Variants in OSBPL8 observed in about 807,000 individuals in gnomAD.
OSBPL8 encodes the protein oxysterol-binding protein-related protein 8.
Under a neutral mutation model 125.5 loss-of-function variants are expected in OSBPL8, and 59 were observed. That is an observed-to-expected ratio of 0.47 (90% CI 0.38 to 0.58). OSBPL8 has a LOEUF of 0.58. Ranked by LOEUF, OSBPL8 falls within the 20% of genes least tolerant of loss-of-function variation. The pLI, the probability that OSBPL8 is intolerant of heterozygous loss-of-function variation, is 0.00. For missense variants in OSBPL8, 758 were observed against 1,047.8 expected, an observed-to-expected ratio of 0.72 and a Z score of 3.82; for synonymous variants, 330 against 338.9, an observed-to-expected ratio of 0.97 and a Z score of 0.29.
At chr12:76,552,695 T>A (rs1950980084) in intron 1 of OSBPL8, among the ~76,000 whole-genome samples, 1 of 152,130 alleles carries the variant, frequency 6.6e-6, no homozygotes, top group Non-Finnish European at 1.5e-5. Context: ...GCCCCCTCTC[T>A]GCTTAAATAT....
At chr12:76,401,301 C>T (rs1954043132) in intron 6 of OSBPL8, among the ~76,000 whole-genome samples, 2 of 152,104 alleles carry the variant, frequency 1.3e-5, no homozygotes, top group African/African-American at 2.4e-5. Flanking sequence ...AAAAGGTCCC[C>T]CAATAAACAT....
At chr12:76,456,265 T>C (rs1231517317) in intron 3 of OSBPL8, among the ~76,000 whole-genome samples, 1 of 152,216 alleles carries the variant, frequency 6.6e-6, no homozygotes, top group Non-Finnish European at 1.5e-5. Context: ...ACTCCAATAA[T>C]TTAAATGTCA....
chr12:76,517,667 T>G (rs1013749311), intron 1 of OSBPL8, among the ~76,000 whole-genome samples: 5 of 152,132 alleles, frequency 3.3e-5, no homozygotes, highest in Admixed American at 6.6e-5. Context: ...AAGGGTTAAT[T>G]GGGTTCATAG....
chr12:76,558,117 C>A (rs1951163789), intron 1 of OSBPL8, among the ~76,000 whole-genome samples: 1 of 91,594 alleles, frequency 1.1e-5, no homozygotes, highest in Admixed American at 1.5e-4. Context: ...ACTCCATACA[C>A]GGTTAATATT....
chr12:76,443,190 G>T (rs1027796373), intron 4 of OSBPL8, among the ~76,000 whole-genome samples: 4 of 152,062 alleles, frequency 2.6e-5, no homozygotes, highest in African/African-American at 9.7e-5. Context: ...AGTTTGAAAT[G>T]GACTCATTTG....
chr12:76,555,746 A>G (rs1393118002), intron 1 of OSBPL8, among the ~76,000 whole-genome samples: 3 of 152,224 alleles, frequency 2.0e-5, no homozygotes, highest in South Asian at 2.1e-4. Context: ...CAGAACACCA[A>G]TTCAAATTTT....
chr12:76,424,088 C>T (rs2136518549), intron 4 of OSBPL8, among the ~76,000 whole-genome samples: 1 of 152,210 alleles, frequency 6.6e-6, no homozygotes, highest in Non-Finnish European at 1.5e-5. Context: ...GCCACCTCTA[C>T]CTCTCGGGTT....
intron 4 of OSBPL8, among the ~76,000 whole-genome samples, chr12:76,443,314 G>C (rs1382869376): frequency 6.6e-6 from 1 of 152,074 alleles, no homozygotes; most frequent in African/African-American, 2.4e-5. Context: ...AATGAGAGTA[G>C]CTACAAGGTA....
At chr12:76,414,650 A>G (rs1278181570) in intron 4 of OSBPL8, among the ~76,000 whole-genome samples, 2 of 151,784 alleles carry the variant, frequency 1.3e-5, no homozygotes, top group Non-Finnish European at 2.9e-5. Flanking sequence ...ATGAGGTCTC[A>G]TCATGTTGCC....
intron 4 of OSBPL8, among the ~76,000 whole-genome samples, chr12:76,414,450 GT>G (rs35085467): frequency 0.24 from 28,911 of 120,420 alleles, 2,684 homozygotes; most frequent in African/African-American, 0.32. Context: ...TATTTTTCTG[GT>G]TTTTTTTTTT....
chr12:76,370,021 T>G (rs563085538), intron 19 of OSBPL8, among the ~76,000 whole-genome samples, 199 bp from the exon 20 acceptor site: 1 of 152,272 alleles, frequency 6.6e-6, no homozygotes, highest in African/African-American at 2.4e-5. Flanking sequence ...TGTTCATAAG[T>G]GGAGACTAAT....
intron 1 of OSBPL8, among the ~76,000 whole-genome samples, chr12:76,517,565 T>C (rs1464666317): frequency 2.0e-5 from 3 of 152,206 alleles, no homozygotes; most frequent in Non-Finnish European, 4.4e-5. Context: ...AATACTTGGC[T>C]TTAAGAGCCT....
intron 1 of OSBPL8, among the ~76,000 whole-genome samples, chr12:76,551,991 T>C (rs1329579968): frequency 2.0e-5 from 3 of 152,170 alleles, no homozygotes; most frequent in Non-Finnish European, 2.9e-5. Context: ...TCCAATCTTA[T>C]GGTTTTACTA....
intron 4 of OSBPL8, among the ~76,000 whole-genome samples, chr12:76,434,977 G>A (rs759663593): frequency 1.1e-4 from 16 of 152,084 alleles, no homozygotes; most frequent in Non-Finnish European, 2.2e-4. Flanking sequence ...TAGAATTACT[G>A]TATGATCCAA....
At chr12:76,385,221 G>A (rs1372467298) in intron 14 of OSBPL8, among the ~76,000 whole-genome samples, 1 of 152,086 alleles carries the variant, frequency 6.6e-6, no homozygotes, top group Non-Finnish European at 1.5e-5. Context: ...AAAACCTCTA[G>A]GAGAAGAAGG....
chr12:76,411,208 T>C (rs1954500517), intron 4 of OSBPL8, among the ~76,000 whole-genome samples: 1 of 152,136 alleles, frequency 6.6e-6, no homozygotes, highest in Non-Finnish European at 1.5e-5. Flanking sequence ...AATACAAGAG[T>C]GCAGTGAGAC....
rs747478847 is a variant in OSBPL8 at position 76,384,319 on chromosome 12, T to C, written c.1565A>G (p.Tyr522Cys). Residue 522 changes from tyrosine (Y) to cysteine (C), a missense_variant, in exon 15 of 24, where the codon TAT (tyrosine) becomes TGT (cysteine). Transcript: ENST00000261183. ...AAATCCATCTTTTCGATTACTAACATAAAAGGCAGATATTGGTGGATGATG... is the reference window on the plus strand; with the variant it reads ...AAATCCATCTTTTCGATTACTAACACAAAAGGCAGATATTGGTGGATGATG... ...VSHHPPISAFYVSNRKDGFCL... is the reference protein window; with the variant it reads ...VSHHPPISAFCVSNRKDGFCL... 1 of 1,565,386 alleles carries C rather than the reference T, an allele frequency of 6.4e-7. No homozygotes were observed. Among genetic ancestry groups the C allele is most frequent in the Non-Finnish European group, 8.7e-7 (1 of 1,148,086 alleles).
chr12:76,399,854 T>C lies in OSBPL8; in HGVS notation c.468+19A>G. 1 of 1,559,300 alleles carries C rather than the reference T, an allele frequency of 6.4e-7. No individual in the cohort carries two copies. The highest frequency in any genetic ancestry group is 2.3e-5 in the East Asian group (1 of 43,710). On this transcript the variant is annotated intron_variant, in intron 7 of 23. Transcript: ENST00000261183. ...GTAAACATCCAGCAATCTGAATTCA[T>C]GATTCAAAACACACTGACCTTTAAC...
At chr12:76,543,372 AAAT>A (rs775249329) in intron 1 of OSBPL8, among the ~76,000 whole-genome samples, 14 of 152,156 alleles carry the variant, frequency 9.2e-5, no homozygotes, top group Non-Finnish European at 2.1e-4. Flanking sequence ...AAAACAAGAA[AAAT>A]AATACCTTCA....
Sources: gnomAD v4.1 joint callset for allele counts (sites outside exome capture counted in the v4.1 genomes callset) on GRCh38, gnomAD v4.1.1 for gene constraint, MANE v1.5 for transcripts, NCBI Gene and HGNC (gene_info 2026-07-23, HGNC 2026-07-21) for gene names.